Variants in NAPB observed in about 807,000 individuals in gnomAD.
The protein encoded by NAPB is beta-soluble NSF attachment protein.
In NAPB, 26 loss-of-function variants were observed where a neutral mutation model predicts 44.7. The ratio of observed to expected loss-of-function variants is 0.58; its 90% CI spans 0.43 to 0.81. The LOEUF (loss-of-function observed/expected upper bound fraction) is 0.81, where lower values mean the gene tolerates loss of function less well. NAPB is among the 30% of genes least tolerant of loss of function. The probability of loss-of-function intolerance (pLI) is 0.00; values close to 1 mark genes in which losing one functional copy is unlikely to be tolerated. For missense variants in NAPB, 315 were observed against 356.4 expected (o/e 0.88, Z 0.94); for synonymous variants, 120 against 116.8 (o/e 1.03, Z -0.18).
At chr20:23,390,325 C>T in intron 5 of NAPB, 61 bp from the exon 6 acceptor site, 1 of 1,368,556 alleles carries the variant, frequency 7.3e-7, no homozygotes, top group Non-Finnish European at 1.0e-6. Flanking sequence ...TTTAAAACTA[C>T]ATTTGCATAG....
At chr20:23,391,189 T>C (rs894872667) in intron 5 of NAPB, among the ~76,000 whole-genome samples, 1 of 152,062 alleles carries the variant, frequency 6.6e-6, no homozygotes, top group Non-Finnish European at 1.5e-5. Flanking sequence ...TGGGCACCCG[T>C]AATCCCAGCT....
At position 23,397,131 on chromosome 20, in the gene NAPB, T is replaced by G. The variant is rs527669105; in HGVS notation, c.236A>C (p.His79Pro). Reference protein sequence around the residue: ...AKLHMQLQSKHDSATSFVDAG... With the variant: ...AKLHMQLQSKPDSATSFVDAG... ...ATCCACAAAGCTGGTAGCAGAGTCA[T>G]GTTTGCTCTGAAGCTGCATGTGGAG... Residue 79 changes from histidine to proline, a missense_variant, in exon 3 of 11, where the codon CAT (histidine) becomes CCT (proline). Around this residue, in one of 3 missense-constraint regions of NAPB, gnomAD observed 179 missense variants for 182.5 expected, o/e 0.98. Coordinates refer to ENST00000377026, the MANE Select transcript of NAPB (RefSeq NM_022080.3). 2 of 1,613,842 alleles carry G rather than the reference T, an allele frequency of 1.2e-6. No individual in the cohort carries two copies. Among genetic ancestry groups the G allele is most frequent in the South Asian group, 1.1e-5 (1 of 91,072 alleles).
rs1982573668 is a variant in NAPB, at chr20:23,377,010, G to C, written c.*366C>G. 6.4e-6 allele frequency: 1 copy of C among 156,100 alleles called. No homozygotes were observed. The highest frequency in any genetic ancestry group is 2.0e-4 in the South Asian group (1 of 4,880). The allele number at this position is 156,100 out of a possible 1,614,324, so 9.7% of individuals were successfully genotyped here. A position where few individuals can be genotyped will look rare whatever the true frequency, so the allele number is the denominator to read the frequency against. ...TGCCAAAGCACAGAGAAAATGCAAA[G>C]CATCTATGAGAACAACTGGGCTGAG... is the stretch of plus-strand genomic sequence containing the variant. On this transcript the variant is annotated 3_prime_UTR_variant, in exon 11 of 11. Coordinates refer to ENST00000377026, the MANE Select transcript of NAPB (RefSeq NM_022080.3).
intron 1 of NAPB, among the ~76,000 whole-genome samples, chr20:23,420,146 G>T (rs777429837): frequency 2.6e-5 from 4 of 152,174 alleles, no homozygotes; most frequent in Non-Finnish European, 4.4e-5. Context: ...CTAAACAGCT[G>T]AATCATTCAC....
At chr20:23,394,612 C>T (rs749654027) in intron 5 of NAPB, among the ~76,000 whole-genome samples, 14 of 152,212 alleles carry the variant, frequency 9.2e-5, no homozygotes, top group Non-Finnish European at 1.8e-4. Flanking sequence ...ACTTTCTTCA[C>T]TGGGCCTTAG....
chr20:23,374,742 CAAT>C lies in NAPB; in HGVS notation c.*2631_*2633del, dbSNP rs1156258332. 1 of 152,264 alleles carries C rather than the reference CAAT, an allele frequency of 6.6e-6. No homozygotes were observed. Among genetic ancestry groups the C allele is most frequent in the Non-Finnish European group, 1.5e-5 (1 of 68,028 alleles). 9.4% of individuals were successfully genotyped at this position (152,264 alleles called of 1,614,324 possible). ...TTTAAATCCACAAAATCAGGAGAAA[CAAT>C]AAATGCACAAGGGCTGGTGCATATA... On this transcript the variant is annotated 3_prime_UTR_variant, in exon 11 of 11. Transcript: ENST00000377026.
At position 23,374,839 on chromosome 20, in the gene NAPB, TAAAA is replaced by T. The variant is rs1312982740; in HGVS notation, c.*2533_*2536del. 1.3e-5 allele frequency: 2 copies of T among 152,264 alleles called. No individual in the cohort carries two copies. The highest frequency in any genetic ancestry group is 6.5e-5 in the Admixed American group (1 of 15,268). 9.4% of individuals were successfully genotyped at this position (152,264 alleles called of 1,614,324 possible). Reference sequence around the variant, plus strand: ...AAAATACTGCTTTCAAATCATTAAATAAAAAAGAACTCACACAAGCTATAAAAAT... The same window carrying T: ...AAAATACTGCTTTCAAATCATTAAATAAGAACTCACACAAGCTATAAAAAT... On this transcript the variant is annotated 3_prime_UTR_variant, in exon 11 of 11. Transcript: ENST00000377026.
intron 1 of NAPB, among the ~76,000 whole-genome samples, chr20:23,404,591 A>G (rs904453078): frequency 1.3e-5 from 2 of 152,214 alleles, no homozygotes; most frequent in African/African-American, 4.8e-5. Context: ...AAGATAATGT[A>G]TACCTAGGAG....
At chr20:23,396,154 T>C (rs1984346304) in intron 3 of NAPB, among the ~76,000 whole-genome samples, 1 of 152,226 alleles carries the variant, frequency 6.6e-6, no homozygotes, top group South Asian at 2.1e-4. Flanking sequence ...TTATACAACA[T>C]TCAGTCTCAT....
intron 1 of NAPB, among the ~76,000 whole-genome samples, chr20:23,414,646 T>C (rs1600602580): frequency 6.6e-6 from 1 of 152,356 alleles, no homozygotes; most frequent in African/African-American, 2.4e-5. Context: ...TCCACTTAAA[T>C]ACAGAAATAG....
intron 10 of NAPB, among the ~76,000 whole-genome samples, chr20:23,377,951 C>G (rs1452200074): frequency 6.6e-6 from 1 of 152,108 alleles, no homozygotes; most frequent in Non-Finnish European, 1.5e-5. Context: ...AAAAGTCAGA[C>G]AGGAAAACAT....
At chr20:23,419,240 C>G (rs2123279780) in intron 1 of NAPB, among the ~76,000 whole-genome samples, 1 of 152,292 alleles carries the variant, frequency 6.6e-6, no homozygotes, top group South Asian at 2.1e-4. Flanking sequence ...AGATAATAAA[C>G]CAACCTGTTG....
At chr20:23,399,911 A>C (rs1472506852) in intron 2 of NAPB, among the ~76,000 whole-genome samples, 1 of 152,188 alleles carries the variant, frequency 6.6e-6, no homozygotes, top group African/African-American at 2.4e-5. Flanking sequence ...CTAGCCTTAG[A>C]TCATATCTGT....
At chr20:23,385,276 G>A (rs569433055) in intron 7 of NAPB, among the ~76,000 whole-genome samples, 1 of 152,270 alleles carries the variant, frequency 6.6e-6, no homozygotes, top group South Asian at 2.1e-4. Context: ...AAGTAGACTT[G>A]AGCCAAGAAA....
rs757539877 is a variant in NAPB at position 23,389,962 on chromosome 20, A to G, written c.545T>C (p.Ile182Thr). 1.3e-5 allele frequency: 21 copies of G among 1,613,904 alleles called. No homozygotes were observed. The highest frequency in any genetic ancestry group is 5.5e-5 in the South Asian group (5 of 91,082). Residue 182 changes from isoleucine (I) to threonine (T), a missense_variant, in exon 7 of 11, where the codon ATT becomes ACT. Ile to Thr is a moderately conservative substitution (Grantham distance 89). Around this residue, in one of 3 missense-constraint regions of NAPB, gnomAD observed 16 missense variants for 43.4 expected, o/e 0.37. Transcript: ENST00000377026. ...TATCCTCACCTGCTCATAGATCTCA[A>G]TGGCTTTCTGGTACTGCTCAAGCTG... The part of the protein sequence containing the change: ...AAQLEQYQKA[I>T]EIYEQVGANT...
chr20:23,394,863 G>T, intron 5 of NAPB, 59 bp downstream of exon 5: 1 of 1,526,510 alleles, frequency 6.6e-7, no homozygotes, highest in Non-Finnish European at 9.1e-7. Context: ...GGAGAGGAGA[G>T]TTCTTTGAGT....
At chr20:23,420,531 G>A (rs1986316453) in intron 1 of NAPB, among the ~76,000 whole-genome samples, 1 of 152,004 alleles carries the variant, frequency 6.6e-6, no homozygotes, top group South Asian at 2.1e-4. Flanking sequence ...CCAGGTGCGC[G>A]TTCCAGGCGC....
intron 1 of NAPB, among the ~76,000 whole-genome samples, chr20:23,408,787 A>C (rs919147728): frequency 6.6e-6 from 1 of 152,266 alleles, no homozygotes; most frequent in African/African-American, 2.4e-5. Context: ...AAGAAATGAT[A>C]AATGTATGAG....
intron 7 of NAPB, among the ~76,000 whole-genome samples, chr20:23,387,306 A>G (rs1474484471): frequency 6.6e-6 from 1 of 152,210 alleles, no homozygotes; most frequent in Admixed American, 6.5e-5. Flanking sequence ...TGAAAGACCG[A>G]AAGTTTTCCT....
Sources: allele counts gnomAD v4.1 joint callset (sites outside exome capture counted in the v4.1 genomes callset), GRCh38; gene constraint gnomAD v4.1.1; regional missense constraint gnomAD v4.1.1; transcripts MANE v1.5; gene names NCBI Gene and HGNC (gene_info 2026-07-23, HGNC 2026-07-21).